Variants in STK33 observed in about 807,000 individuals in gnomAD.
The protein encoded by STK33 is serine/threonine kinase 33, also known as serine/threonine-protein kinase 33.
A neutral mutation model predicts 58.0 loss-of-function variants in STK33; 52 were observed. The observed-to-expected ratio is 0.90, with a 90% CI of 0.72 to 1.13. The LOEUF (loss-of-function observed/expected upper bound fraction) is 1.13, where lower values mean the gene tolerates loss of function less well. Among genes scored for constraint, STK33 ranks in the 50% most tolerant of loss-of-function variants. STK33 has a pLI of 0.00. For missense variants in STK33, 630 were observed against 604.2 expected (o/e 1.04, Z -0.45); for synonymous variants, 215 against 200.1 (o/e 1.07, Z -0.63).
chr11:8,512,008 T>A (rs1184753820), intron 1 of STK33, among the ~76,000 whole-genome samples: 1 of 152,158 alleles, frequency 6.6e-6, no homozygotes, highest in East Asian at 1.9e-4. Context: ...TATAAAGGAT[T>A]AAATGTGCAA....
At chr11:8,451,309 T>C (rs1369914268) in intron 11 of STK33, among the ~76,000 whole-genome samples, 1 of 152,206 alleles carries the variant, frequency 6.6e-6, no homozygotes, top group Non-Finnish European at 1.5e-5. Flanking sequence ...TTATTCATAA[T>C]AGCCATAAAC....
intron 1 of STK33, among the ~76,000 whole-genome samples, chr11:8,489,280 A>G (rs930933756): frequency 1.3e-5 from 2 of 150,872 alleles, no homozygotes; most frequent in Non-Finnish European, 3.0e-5. Flanking sequence ...AAGAAAAAAA[A>G]AAAGAAAGAA....
intron 1 of STK33, among the ~76,000 whole-genome samples, chr11:8,517,309 T>C (rs1952891067): frequency 1.3e-5 from 2 of 152,058 alleles, no homozygotes; most frequent in Admixed American, 6.5e-5. Context: ...AGAAAGGACA[T>C]CCACACCAAA....
intron 11 of STK33, among the ~76,000 whole-genome samples, chr11:8,442,466 C>G (rs538212146): frequency 6.6e-6 from 1 of 152,290 alleles, no homozygotes; most frequent in South Asian, 2.1e-4. Flanking sequence ...TCGATTTGCA[C>G]TGTCATCCCA....
chr11:8,460,554 C>T (rs951605062), intron 8 of STK33, among the ~76,000 whole-genome samples: 10 of 151,844 alleles, frequency 6.6e-5, no homozygotes, highest in Non-Finnish European at 1.3e-4. Flanking sequence ...GAACTGTGGA[C>T]AATATCAAGC....
chr11:8,362,392 C>G, the STK33 span, among the ~76,000 whole-genome samples: 1 of 152,168 alleles, frequency 6.6e-6, no homozygotes, highest in Non-Finnish European at 1.5e-5. Context: ...CATGGTCGCT[C>G]ATTCGGAGTG....
At chr11:8,389,226 C>T (rs921560982), downstream of STK33, among the ~76,000 whole-genome samples, 1 of 152,274 alleles carries the variant, frequency 6.6e-6, no homozygotes, top group Non-Finnish European at 1.5e-5. Context: ...TGTAAGAGGG[C>T]TGCCTGGCAG....
At chr11:8,552,217 C>T (rs1010387134) in intron 1 of STK33, among the ~76,000 whole-genome samples, 1 of 152,350 alleles carries the variant, frequency 6.6e-6, no homozygotes, top group African/African-American at 2.4e-5. Context: ...GGAAGTGGCA[C>T]AGACTGAAAC....
At chr11:8,363,769 C>T in the STK33 span, among the ~76,000 whole-genome samples, 4 of 152,224 alleles carry the variant, frequency 2.6e-5, no homozygotes, top group South Asian at 2.1e-4. Context: ...ACGTTAAAAA[C>T]GGTTACTGTT....
intron 11 of STK33, among the ~76,000 whole-genome samples, chr11:8,441,242 A>T (rs1944702849): frequency 6.6e-6 from 1 of 152,168 alleles, no homozygotes; most frequent in African/African-American, 2.4e-5. Context: ...TATTTTCTGC[A>T]TTTTCAAATA....
At position 8,454,815 on chromosome 11, in the gene STK33, G is replaced by C. The variant is rs774106228; in HGVS notation, c.715C>G (p.Leu239Val). Residue 239 changes from leucine (L) to valine (V), a missense_variant, in exon 10 of 16, where the codon CTG becomes GTG. Coordinates refer to ENST00000687296, the MANE Select transcript of STK33 (RefSeq NM_001352389.2). The part of the protein sequence containing the change: ...LHNNDIVHRD[L>V]KLENIMVKSS... ...TTAACCATTATATTTTCCAGTTTCA[G>C]ATCTCTATGTACAATATCTACCAAG... The C allele has an allele frequency of 1.9e-6, 3 of 1,563,866 alleles. No individual in the cohort carries two copies. The South Asian group carries it at 3.5e-5, about 18-fold the overall frequency.
intron 11 of STK33, among the ~76,000 whole-genome samples, chr11:8,449,779 TAAAA>T (rs935106588): frequency 2.0e-5 from 3 of 151,742 alleles, no homozygotes; most frequent in Non-Finnish European, 2.9e-5. Flanking sequence ...TAAAGTATAA[TAAAA>T]GAAAGAAAGA....
the STK33 span, among the ~76,000 whole-genome samples, chr11:8,376,356 G>C: frequency 6.3e-4 from 96 of 152,286 alleles, no homozygotes; most frequent in African/African-American, 2.2e-3. Flanking sequence ...TGCATGTTGG[G>C]TGGGGCTGGG....
At chr11:8,448,529 C>G (rs149220587) in intron 11 of STK33, among the ~76,000 whole-genome samples, 24 of 152,162 alleles carry the variant, frequency 1.6e-4, no homozygotes, top group South Asian at 2.1e-4. Context: ...ACAAGAAATG[C>G]GGAAACGATT....
intron 14 of STK33, among the ~76,000 whole-genome samples, chr11:8,431,133 G>A (rs1223589733): frequency 6.6e-6 from 1 of 152,020 alleles, no homozygotes; most frequent in Non-Finnish European, 1.5e-5. Context: ...CCAAAGTGCT[G>A]GGATTACAAG....
chr11:8,344,429 C>A, the STK33 span, among the ~76,000 whole-genome samples: 1 of 152,210 alleles, frequency 6.6e-6, no homozygotes, highest in African/African-American at 2.4e-5. Flanking sequence ...ATAGCACATA[C>A]TAGGTGCCAA....
intron 1 of STK33, among the ~76,000 whole-genome samples, chr11:8,570,346 T>C (rs1957724995): frequency 1.3e-5 from 2 of 152,290 alleles, no homozygotes; most frequent in African/African-American, 4.8e-5. Flanking sequence ...TAAAACCACT[T>C]TGGAAAACAG....
chr11:8,445,266 A>G (rs1945288136), intron 11 of STK33, among the ~76,000 whole-genome samples: 1 of 152,188 alleles, frequency 6.6e-6, no homozygotes, highest in Non-Finnish European at 1.5e-5. Flanking sequence ...TTTTCAGCTT[A>G]AGGAGATTTG....
chr11:8,474,637 C>A (rs200403786), intron 5 of STK33, 44 bp downstream of exon 5: 1 of 1,428,478 alleles, frequency 7.0e-7, no homozygotes, highest in Non-Finnish European at 9.6e-7. Flanking sequence ...CATTAGGGAA[C>A]GGGATGTCAA....
Sources: gnomAD v4.1 joint callset for allele counts (sites outside exome capture counted in the v4.1 genomes callset) on GRCh38, gnomAD v4.1.1 for gene constraint, MANE v1.5 for transcripts, NCBI Gene and HGNC (gene_info 2026-07-23, HGNC 2026-07-21) for gene names.